Variants in USP54 observed in about 807,000 individuals in gnomAD.
USP54 encodes the protein ubiquitin specific peptidase 54, also known as ubiquitin carboxyl-terminal hydrolase 54.
A neutral mutation model predicts 170.5 loss-of-function variants in USP54; 87 were observed. The observed-to-expected ratio is 0.51, with a 90% CI of 0.43 to 0.61. USP54 has a LOEUF of 0.61. Ranked by LOEUF, USP54 falls within the 20% of genes least tolerant of loss-of-function variation. The probability of loss-of-function intolerance (pLI) is 0.00; values close to 1 mark genes in which losing one functional copy is unlikely to be tolerated. For missense variants in USP54, 1,786 were observed against 2,047.8 expected (o/e 0.87, Z 2.47); for synonymous variants, 655 against 742.8 (o/e 0.88, Z 1.92).
chr10:73,606,410 T>C (rs2079634675), intron 1 of USP54: 1 of 151,920 alleles, frequency 6.6e-6, no homozygotes, highest in South Asian at 2.1e-4. Flanking sequence ...GGGAAGGAAT[T>C]ACTTGAGCCT....
At position 73,536,432 on chromosome 10, in the gene USP54, C is replaced by T. The variant is rs2065223288; in HGVS notation, c.981G>A (p.Gly327=). 1.3e-6 allele frequency: 2 copies of T among 1,539,158 alleles called. No homozygotes were observed. The highest frequency in any genetic ancestry group is 4.6e-5 in the East Asian group (2 of 43,804). Residue 327 remains glycine, a synonymous_variant, in exon 11 of 24, where the codon GGG becomes GGA. Transcript: ENST00000687698. ...TGGTCACCACATCCTTCCATTTGGGCCCAATCTGAACCAGAAACAACCAGA... is the reference window on the plus strand; with the variant it reads ...TGGTCACCACATCCTTCCATTTGGGTCCAATCTGAACCAGAAACAACCAGA... The part of the protein sequence containing the change: ...YFDDAHVKEI[G]PKWKDVVTKC...
At chr10:73,514,162 T>C (rs1328773245) in intron 20 of USP54, among the ~76,000 whole-genome samples, 1 of 152,110 alleles carries the variant, frequency 6.6e-6, no homozygotes, top group African/African-American at 2.4e-5. Flanking sequence ...TTCATCATGT[T>C]AGCCAGGATG....
intron 1 of USP54, among the ~76,000 whole-genome samples, chr10:73,625,157 C>T (rs1481728902): frequency 2.0e-5 from 3 of 152,168 alleles, no homozygotes; most frequent in African/African-American, 7.2e-5. Context: ...TCTTCCAACT[C>T]AATACGCTTC....
intron 15 of USP54, chr10:73,529,305 G>GATCTC: frequency 3.7e-6 from 1 of 268,756 alleles, no homozygotes; most frequent in Admixed American, 4.7e-5. Flanking sequence ...GGAGGGTGGA[G>GATCTC]GGTGGGAGGA....
rs201765761 is a variant in USP54 at position 73,516,661 on chromosome 10, C to T, written c.3765G>A (p.Gly1255=). 1 of 1,614,056 alleles carries T rather than the reference C, an allele frequency of 6.2e-7. No homozygotes were observed. Among genetic ancestry groups the T allele is most frequent in the Non-Finnish European group, 8.5e-7 (1 of 1,180,038 alleles). ...SKDLGSSTDL[G]TSLPLDSWVN... ...CCCAGGAATCCAAAGGCAAGGAAGT[C>T]CCCAAGTCAGTACTGCTGCCCAGAT... The change falls in exon 20 of 24, where the codon GGG becomes GGA. Residue 1255 remains glycine, a synonymous_variant. Transcript: ENST00000687698.
intron 14 of USP54, 77 bp from the exon 15 acceptor site, chr10:73,529,988 T>C: frequency 6.7e-7 from 1 of 1,485,296 alleles, no homozygotes; most frequent in Non-Finnish European, 9.0e-7. Flanking sequence ...AACTAGCTCC[T>C]CCCTCTAGCT....
intron 4 of USP54, among the ~76,000 whole-genome samples, chr10:73,547,790 C>T (rs1385737210): frequency 1.3e-5 from 2 of 152,098 alleles, no homozygotes; most frequent in Admixed American, 1.3e-4. Flanking sequence ...AGAAGAAAAC[C>T]TAGGCAATAC....
At chr10:73,518,718 A>AT (rs772422371) in intron 19 of USP54, 2,677 of 130,912 alleles carry the variant, frequency 0.02, 45 homozygotes, top group South Asian at 0.068. Flanking sequence ...TAGACCTGCA[A>AT]TTTTTTTTTT....
chr10:73,559,108 G>A (rs1481169562), intron 4 of USP54, among the ~76,000 whole-genome samples: 5 of 152,060 alleles, frequency 3.3e-5, no homozygotes, highest in African/African-American at 1.2e-4. Context: ...TTCCTGTTTT[G>A]AAAAACAAAA....
Position 73,516,905 on chromosome 10 carries a change from T to A in USP54, c.3521A>T (p.Gln1174Leu). ...SPSDSKPPFS[Q>L]GQEKGHWPWA... ...TGGCCAGTGGCCTTTCTCTTGACCCTGTGAGAAAGGAGGCTTAGAATCAGA... is the reference window on the plus strand; with the variant it reads ...TGGCCAGTGGCCTTTCTCTTGACCCAGTGAGAAAGGAGGCTTAGAATCAGA... The change falls in exon 20 of 24, where the codon CAG (glutamine) becomes CTG (leucine). Residue 1174 changes from glutamine (Q) to leucine (L), a missense_variant. This residue lies in a region of USP54 where 1,418 missense variants were observed against 1,569.0 expected (regional missense o/e 0.90). Coordinates refer to ENST00000687698, the MANE Select transcript of USP54 (RefSeq NM_001391956.1). 6.2e-7 allele frequency: 1 copy of A among 1,614,236 alleles called. No homozygotes were observed. Among genetic ancestry groups the A allele is most frequent in the Non-Finnish European group, 8.5e-7 (1 of 1,180,042 alleles).
At chr10:73,500,410 G>A (rs1216921733) in intron 23 of USP54, among the ~76,000 whole-genome samples, 2 of 152,206 alleles carry the variant, frequency 1.3e-5, no homozygotes, top group East Asian at 3.8e-4. Flanking sequence ...GACTGAAGCA[G>A]GTCATTTTCG....
intron 1 of USP54, among the ~76,000 whole-genome samples, chr10:73,611,945 C>T (rs1051338194): frequency 2.0e-5 from 3 of 151,328 alleles, no homozygotes; most frequent in African/African-American, 7.3e-5. Context: ...CTCATCTCTA[C>T]GAAAAATACA....
chr10:73,536,163 T>C (rs764467988), intron 11 of USP54, 106 bp downstream of exon 11: 2 of 1,473,142 alleles, frequency 1.4e-6, no homozygotes, highest in African/African-American at 2.8e-5. Flanking sequence ...ATGGATCCTC[T>C]TTCTCCAAGC....
rs576398701 is a variant in USP54 at position 73,575,820 on chromosome 10, T to C, written c.-40A>G. 1.3e-6 allele frequency: 1 copy of C among 784,786 alleles called. No individual in the cohort carries two copies. Among genetic ancestry groups the C allele is most frequent in the African/African-American group, 1.7e-5 (1 of 57,330 alleles). The allele number at this position is 784,786 out of a possible 1,614,324, so 48.6% of individuals were successfully genotyped here. A position where few individuals can be genotyped will look rare whatever the true frequency, so the allele number is the denominator to read the frequency against. On this transcript the variant is annotated 5_prime_UTR_variant, in exon 2 of 24. Transcript: ENST00000687698. ...CACCTTCCAAATATCATCTGTGTAG[T>C]CAAGGGACTCAGGTATCCTCCTAGA... is the stretch of plus-strand genomic sequence containing the variant.
At chr10:73,581,297 T>C (rs1272608945) in intron 1 of USP54, among the ~76,000 whole-genome samples, 2 of 152,234 alleles carry the variant, frequency 1.3e-5, no homozygotes, top group Admixed American at 6.5e-5. Flanking sequence ...TGTCATCTTA[T>C]TACGTATTTC....
At chr10:73,572,959 AAAGT>A (rs1330645043) in intron 3 of USP54, among the ~76,000 whole-genome samples, 2 of 152,178 alleles carry the variant, frequency 1.3e-5, no homozygotes, top group African/African-American at 2.4e-5. Context: ...CTAAATCACA[AAAGT>A]ATTATCAGGA....
rs2066583725 is a variant in USP54 at position 73,541,467 on chromosome 10, T to A, written c.733A>T (p.Ile245Phe). 6.2e-7 allele frequency: 1 copy of A among 1,614,186 alleles called. No homozygotes were observed. The highest frequency in any genetic ancestry group is 8.5e-7 in the Non-Finnish European group (1 of 1,180,032). Residue 245 changes from isoleucine (I) to phenylalanine (F), a missense_variant, in exon 9 of 24, where the codon ATT (isoleucine) becomes TTT (phenylalanine). Transcript: ENST00000687698. ...TCCCATACCAGCCCAATCGTGATAATCTGTGGAGCATTCATCAACACACGG... is the reference window on the plus strand; with the variant it reads ...TCCCATACCAGCCCAATCGTGATAAACTGTGGAGCATTCATCAACACACGG... ...IRRVLMNAPQ[I>F]ITIGLVWDSD...
chr10:73,514,286 G>C (rs1394563901), intron 20 of USP54, among the ~76,000 whole-genome samples: 1 of 152,152 alleles, frequency 6.6e-6, no homozygotes, highest in African/African-American at 2.4e-5. Context: ...CTTGTGGCCT[G>C]GCACGGTGGC....
chr10:73,605,736 A>G (rs2079564591), intron 1 of USP54, among the ~76,000 whole-genome samples: 1 of 152,214 alleles, frequency 6.6e-6, no homozygotes, highest in South Asian at 2.1e-4. Context: ...AGCCAGTCAC[A>G]ACAGGACAAA....
Sources: gnomAD v4.1 joint callset for allele counts (sites outside exome capture counted in the v4.1 genomes callset) on GRCh38, gnomAD v4.1.1 for gene constraint, gnomAD v4.1.1 regional missense constraint, MANE v1.5 for transcripts, NCBI Gene and HGNC (gene_info 2026-07-23, HGNC 2026-07-21) for gene names.